The following GALNT18 variants were observed in gnomAD, a reference collection of about 807,000 sequenced individuals.
GALNT18 encodes the protein polypeptide N-acetylgalactosaminyltransferase 18.
A neutral mutation model predicts 69.5 loss-of-function variants in GALNT18; 44 were observed. The observed-to-expected ratio is 0.63, with a 90% confidence interval of 0.50 to 0.81. The LOEUF (loss-of-function observed/expected upper bound fraction) is 0.81. Ranked by LOEUF, GALNT18 falls within the 40% of genes least tolerant of loss-of-function variation. GALNT18 has a pLI of 0.00. For synonymous variants in GALNT18, 364 were observed against 318.2 expected (o/e 1.14, Z -1.53); for missense variants, 715 against 810.0 (o/e 0.88, Z 1.42).
At chr11:11,283,013 C>T (rs1215400859) in intron 10 of GALNT18, among the ~76,000 whole-genome samples, 1 of 152,112 alleles carries the variant, frequency 6.6e-6, no homozygotes, top group Non-Finnish European at 1.5e-5. Flanking sequence ...ATTGAGATCT[C>T]AGCAAGGGCA....
In GALNT18 at chr11:11,582,827, G is replaced by C. The variant is rs536869406; in HGVS notation, c.235+38532C>G. Among the ~76,000 whole-genome samples, 43 of 152,286 alleles carry C rather than the reference G, an allele frequency of 2.8e-4. No individual in the cohort carries two copies. The highest frequency in any genetic ancestry group is 1.0e-3 in the African/African-American group (42 of 41,554). ...GCATTTTTAAAAGATTACTCTAGTT[G>C]TTGAGTGAAGAACGGACCCACATCA... On this transcript the variant is annotated intron_variant, in intron 1 of 10. Coordinates refer to ENST00000227756, the MANE Select transcript of GALNT18 (RefSeq NM_198516.3). This position sits in a 1 kb window ranked among gnomAD's most constrained non-coding sequence, Gnocchi z 5.0.
chr11:11,364,940 G>A (rs1245024646), intron 6 of GALNT18, among the ~76,000 whole-genome samples: 1 of 150,820 alleles, frequency 6.6e-6, no homozygotes, highest in African/African-American at 2.5e-5. Flanking sequence ...AACTGCAACG[G>A]GATTTATTTT....
chr11:11,327,182 C>A lies in GALNT18; in HGVS notation c.1417-1G>T, dbSNP rs1849937541. The A allele has an allele frequency of 6.2e-7, 1 of 1,609,816 alleles. No homozygotes were observed. Among genetic ancestry groups the A allele is most frequent in the Non-Finnish European group, 8.5e-7 (1 of 1,176,128 alleles). On this transcript the variant is annotated splice_acceptor_variant, in intron 8 of 10. Coordinates refer to ENST00000227756, the MANE Select transcript of GALNT18 (RefSeq NM_198516.3). LOFTEE classifies it high-confidence loss of function. Reference sequence around the variant, plus strand: ...AATCAGTCTTCAGAGAATTCTGCAGCTGAACATCAGAGAACAGATGGCCAC... The same window carrying A: ...AATCAGTCTTCAGAGAATTCTGCAGATGAACATCAGAGAACAGATGGCCAC...
At chr11:11,569,895 C>T (rs777635410) in intron 1 of GALNT18, among the ~76,000 whole-genome samples, 1 of 152,012 alleles carries the variant, frequency 6.6e-6, no homozygotes, top group Non-Finnish European at 1.5e-5. Flanking sequence ...TCCATGGAGA[C>T]AGGAAAAGCT....
At chr11:11,272,442 G>A (rs1408400286) in intron 10 of GALNT18, among the ~76,000 whole-genome samples, 2 of 152,120 alleles carry the variant, frequency 1.3e-5, no homozygotes, top group Non-Finnish European at 2.9e-5. Flanking sequence ...ATGCATGTTT[G>A]GCCTAAAGGA....
chr11:11,502,069 C>G (rs1482845515), intron 1 of GALNT18, among the ~76,000 whole-genome samples: 2 of 152,172 alleles, frequency 1.3e-5, no homozygotes, highest in Non-Finnish European at 2.9e-5. Context: ...TGGCCCAAAG[C>G]AGGAAGTCTG....
intron 6 of GALNT18, among the ~76,000 whole-genome samples, chr11:11,350,663 T>A (rs909806201): frequency 2.0e-5 from 3 of 152,154 alleles, no homozygotes; most frequent in Non-Finnish European, 4.4e-5. Context: ...ATCGATGAGA[T>A]GAGAGAGGAC....
At chr11:11,437,136 G>A (rs2133802459) in intron 2 of GALNT18, among the ~76,000 whole-genome samples, 1 of 152,304 alleles carries the variant, frequency 6.6e-6, no homozygotes, top group Middle Eastern at 3.4e-3. Context: ...GAGAAGGGCT[G>A]AGGACACAGA....
chr11:11,528,943 T>G (rs538515643), intron 1 of GALNT18, among the ~76,000 whole-genome samples: 1 of 152,336 alleles, frequency 6.6e-6, no homozygotes, highest in South Asian at 2.1e-4. Flanking sequence ...GATAAGCTGA[T>G]GGGCAGAGTT....
At position 11,617,543 on chromosome 11, in the gene GALNT18, G is replaced by A. The variant is rs1340181548; in HGVS notation, c.235+3816C>T. ...GAATATAAAATTACATGTAAATCATGACTACACCTTCATTTTGAAATATGG... is the reference window on the plus strand; with the variant it reads ...GAATATAAAATTACATGTAAATCATAACTACACCTTCATTTTGAAATATGG... On this transcript the variant is annotated intron_variant, in intron 1 of 10. Coordinates refer to ENST00000227756, the MANE Select transcript of GALNT18 (RefSeq NM_198516.3). The surrounding 1 kb of genome is among the most constrained non-coding windows in gnomAD (Gnocchi z 4.7). 1.3e-5 allele frequency among the ~76,000 whole-genome samples: 2 copies of A among 152,214 alleles called. No individual in the cohort carries two copies. Among genetic ancestry groups the A allele is most frequent in the Non-Finnish European group, 2.9e-5 (2 of 68,026 alleles).
At chr11:11,279,173 C>T (rs1054000200) in intron 10 of GALNT18, among the ~76,000 whole-genome samples, 1 of 152,222 alleles carries the variant, frequency 6.6e-6, no homozygotes, top group Non-Finnish European at 1.5e-5. Context: ...CTCCTCCCTT[C>T]ATCTTGTGAC....
chr11:11,293,368 C>T (rs1253768446), intron 9 of GALNT18, among the ~76,000 whole-genome samples, 175 bp from the exon 10 acceptor site: 1 of 152,076 alleles, frequency 6.6e-6, no homozygotes, highest in African/African-American at 2.4e-5. Flanking sequence ...AAGAAGAAAC[C>T]CTTTTACATT....
In GALNT18 at chr11:11,619,461, C is replaced by T. The variant is rs2133976861; in HGVS notation, c.235+1898G>A. On this transcript the variant is annotated intron_variant, in intron 1 of 10. Transcript: ENST00000227756. This position sits in a 1 kb window ranked among gnomAD's most constrained non-coding sequence, Gnocchi z 4.9. ...AACCTTAGAAATCATGTGACATGGT[C>T]CACATTCCACATGACTGGCACCCAC... Among the ~76,000 whole-genome samples, 1 of 152,238 alleles carries T rather than the reference C, an allele frequency of 6.6e-6. No homozygotes were observed. The highest frequency in any genetic ancestry group is 1.5e-5 in the Non-Finnish European group (1 of 68,026).
chr11:11,374,930 A>G (rs1853705995), intron 5 of GALNT18, among the ~76,000 whole-genome samples: 2 of 152,246 alleles, frequency 1.3e-5, no homozygotes, highest in South Asian at 4.1e-4. Context: ...ATGGTCTTAG[A>G]AACAAAATGT....
Position 11,498,038 on chromosome 11 carries a change from A to G in GALNT18, c.236-49102T>C, listed in dbSNP as rs192981676. Among the ~76,000 whole-genome samples the G allele has an allele frequency of 2.6e-5, 4 of 152,308 alleles. No homozygotes were observed. The East Asian group carries it at 7.7e-4, about 29-fold the overall frequency. On this transcript the variant is annotated intron_variant, in intron 1 of 10. Transcript: ENST00000227756. ...TTAAAATGAACTAAAAAACTGGAGA[A>G]CTCGTCTTAAAAAATGGAGAAGGAA...
intron 1 of GALNT18, among the ~76,000 whole-genome samples, chr11:11,528,460 C>A (rs1295750750): frequency 6.6e-6 from 1 of 152,184 alleles, no homozygotes; most frequent in African/African-American, 2.4e-5. Context: ...AAGGTACACA[C>A]CTTCAGCTGT....
rs1856226078 is a variant in GALNT18 at position 11,469,449 on chromosome 11, G to A, written c.236-20513C>T. Among the ~76,000 whole-genome samples, 2 of 152,196 alleles carry A rather than the reference G, an allele frequency of 1.3e-5. No homozygotes were observed. The highest frequency in any genetic ancestry group is 2.4e-5 in the African/African-American group (1 of 41,454). ...ATCTCCATGGCAGAGACAGGCTGCT[G>A]CAGGGCTCAACAGAAGCCCCTGTCC... is the stretch of plus-strand genomic sequence containing the variant. On this transcript the variant is annotated intron_variant, in intron 1 of 10. Transcript: ENST00000227756. This position sits in a 1 kb window ranked among gnomAD's most constrained non-coding sequence, Gnocchi z 4.2.
chr11:11,558,436 T>C (rs1858386134), intron 1 of GALNT18, among the ~76,000 whole-genome samples: 2 of 152,374 alleles, frequency 1.3e-5, no homozygotes, highest in South Asian at 4.1e-4. Context: ...GCTTCACATT[T>C]GTGCAAGGTA....
intron 9 of GALNT18, among the ~76,000 whole-genome samples, chr11:11,321,617 T>G (rs1260993885): frequency 2.0e-5 from 3 of 152,166 alleles, no homozygotes; most frequent in Non-Finnish European, 1.5e-5. Context: ...TGTTTTGTTT[T>G]TTTGAGATGG....
Sources: allele counts gnomAD v4.1 joint callset (sites outside exome capture counted in the v4.1 genomes callset), GRCh38; gene constraint gnomAD v4.1.1; non-coding constraint Gnocchi (gnomAD v3.1); transcripts MANE v1.5; gene names NCBI Gene and HGNC (gene_info 2026-07-23, HGNC 2026-07-21).